The following NFIA variants were observed in gnomAD, a reference collection of about 807,000 sequenced individuals.
NFIA encodes nuclear factor I A.
A neutral mutation model predicts 62.8 loss-of-function variants in NFIA; 8 were observed. The ratio of observed to expected loss-of-function variants is 0.13; its 90% CI spans 0.07 to 0.23. The LOEUF is 0.23. Among genes scored for constraint, NFIA ranks in the 10% least tolerant of loss-of-function variants. The pLI is 1.00. For synonymous variants in NFIA, 235 were observed against 238.1 expected (o/e 0.99, Z 0.12); for missense variants, 410 against 642.1 (o/e 0.64, Z 3.91).
chr1:61,134,005 A>G (rs764767843), intron 2 of NFIA, among the ~76,000 whole-genome samples: 2 of 152,016 alleles, frequency 1.3e-5, no homozygotes, highest in Non-Finnish European at 2.9e-5. Context: ...GCATGCCTGT[A>G]ATCCCAGCTA....
intron 2 of NFIA, among the ~76,000 whole-genome samples, chr1:61,218,515 A>G (rs911293424): frequency 6.6e-6 from 1 of 152,228 alleles, no homozygotes; most frequent in Non-Finnish European, 1.5e-5. Flanking sequence ...CCACGAATTG[A>G]AAATACCGTC....
rs75606716 is a variant in NFIA, at chr1:61,335,041, C to T, written c.700+2455C>T. On this transcript the variant is annotated intron_variant, in intron 4 of 10. Coordinates refer to ENST00000403491, the MANE Select transcript of NFIA (RefSeq NM_001134673.4). ...GATTGAGTTTGCAGAGGGACCTGGA[C>T]TTGTTTCCTGTCCCTGCTTAGGGGG... Among the ~76,000 whole-genome samples, 755 of 152,316 alleles carry T rather than the reference C, an allele frequency of 5.0e-3. 3 individuals carry two copies. Among genetic ancestry groups the T allele is most frequent in the African/African-American group, 0.017 (720 of 41,578 alleles).
At chr1:61,404,505 T>C (rs925485399) in intron 8 of NFIA, among the ~76,000 whole-genome samples, 2 of 152,204 alleles carry the variant, frequency 1.3e-5, no homozygotes, top group Non-Finnish European at 2.9e-5. Flanking sequence ...CTGTCAAGTT[T>C]ATGGATATAA....
intron 6 of NFIA, among the ~76,000 whole-genome samples, chr1:61,367,736 C>T (rs1663666713): frequency 6.6e-6 from 1 of 152,158 alleles, no homozygotes; most frequent in African/African-American, 2.4e-5. Flanking sequence ...CCTAAAACAG[C>T]TCCTTGTAAT....
intron 9 of NFIA, among the ~76,000 whole-genome samples, chr1:61,422,640 C>G (rs1666678705): frequency 6.6e-6 from 1 of 151,694 alleles, no homozygotes; most frequent in Admixed American, 6.6e-5. Flanking sequence ...CCATGATAAA[C>G]AGCAGTGCTT....
chr1:61,211,940 G>A (rs1035741252), intron 2 of NFIA, among the ~76,000 whole-genome samples: 2 of 152,112 alleles, frequency 1.3e-5, no homozygotes, highest in East Asian at 1.9e-4. Flanking sequence ...CAAACCATCT[G>A]CCCGCCTGGC....
intron 2 of NFIA, among the ~76,000 whole-genome samples, chr1:61,217,903 G>C (rs1242978196): frequency 6.6e-6 from 1 of 152,178 alleles, no homozygotes; most frequent in African/African-American, 2.4e-5. Context: ...GCTCCTAAAA[G>C]GGCAGTTGTC....
intron 2 of NFIA, among the ~76,000 whole-genome samples, chr1:61,129,447 A>G (rs1262369343): frequency 9.9e-6 from 1 of 101,064 alleles, no homozygotes; most frequent in Non-Finnish European, 1.8e-5. Flanking sequence ...TACTTTCTTT[A>G]TTCTTTTTTT....
chr1:61,178,728 C>T (rs976070193), intron 2 of NFIA, among the ~76,000 whole-genome samples: 2 of 152,180 alleles, frequency 1.3e-5, no homozygotes, highest in South Asian at 2.1e-4. Flanking sequence ...CAGTGGACCC[C>T]GAAGCCAGGC....
chr1:61,228,550 G>GA (rs1435661426), intron 2 of NFIA, among the ~76,000 whole-genome samples: 1 of 152,200 alleles, frequency 6.6e-6, no homozygotes, highest in East Asian at 1.9e-4. Flanking sequence ...TGTTGGAAGA[G>GA]AAAAACTATT....
intron 2 of NFIA, among the ~76,000 whole-genome samples, chr1:61,197,935 C>G (rs890544697): frequency 2.0e-5 from 3 of 151,742 alleles, no homozygotes; most frequent in Non-Finnish European, 2.9e-5. Flanking sequence ...GAGCCAAGAT[C>G]GTGCCATTGC....
intron 3 of NFIA, among the ~76,000 whole-genome samples, chr1:61,320,248 T>C (rs892818117): frequency 6.6e-6 from 1 of 152,136 alleles, no homozygotes; most frequent in Non-Finnish European, 1.5e-5. Flanking sequence ...ACAAAGAATT[T>C]TCTGGTACTT....
intron 1 of NFIA, among the ~76,000 whole-genome samples, chr1:61,085,338 G>A (rs1646200343): frequency 6.6e-6 from 1 of 152,142 alleles, no homozygotes; most frequent in African/African-American, 2.4e-5. Context: ...AGAAATATCA[G>A]CATTCAGTGG....
At chr1:61,363,617 T>A (rs1350546166) in intron 6 of NFIA, among the ~76,000 whole-genome samples, 12 of 130,950 alleles carry the variant, frequency 9.2e-5, no homozygotes, top group Non-Finnish European at 1.4e-4. Flanking sequence ...AAAAAAAAAA[T>A]TATAATAAGA....
In NFIA at chr1:61,088,008, G is replaced by A. The variant is rs1557555323; in HGVS notation, c.28-141G>A. On this transcript the variant is annotated intron_variant, in intron 1 of 10. Coordinates refer to ENST00000403491, the MANE Select transcript of NFIA (RefSeq NM_001134673.4). This position sits in a 1 kb window ranked among gnomAD's most constrained non-coding sequence, Gnocchi z 4.5. ...CTTCCCAGACTTCCCATAGGATCCT[G>A]TGTATGATTTTGGTAACAGAATGCT... The A allele has an allele frequency of 1.3e-6, 1 of 759,108 alleles. No individual in the cohort carries two copies. The highest frequency in any genetic ancestry group is 2.1e-6 in the Non-Finnish European group (1 of 479,384). 47.0% of individuals were successfully genotyped at this position (759,108 alleles called of 1,614,324 possible).
At chr1:61,221,602 A>T (rs1378833249) in intron 2 of NFIA, among the ~76,000 whole-genome samples, 2 of 152,166 alleles carry the variant, frequency 1.3e-5, no homozygotes, top group African/African-American at 4.8e-5. Flanking sequence ...CAAAAAGTGA[A>T]GATAAATGGT....
intron 6 of NFIA, among the ~76,000 whole-genome samples, chr1:61,370,022 C>T (rs1216547830): frequency 1.3e-5 from 2 of 152,072 alleles, no homozygotes; most frequent in Non-Finnish European, 2.9e-5. Context: ...GTTAACACTC[C>T]AGAATAAGTG....
intron 2 of NFIA, among the ~76,000 whole-genome samples, chr1:61,262,763 C>T (rs1037499536): frequency 6.6e-6 from 1 of 152,142 alleles, no homozygotes; most frequent in Admixed American, 6.5e-5. Context: ...AAAGAATTGT[C>T]TCAAAGTTAC....
intron 2 of NFIA, among the ~76,000 whole-genome samples, chr1:61,148,080 C>T (rs1648135268): frequency 6.6e-6 from 1 of 152,144 alleles, no homozygotes; most frequent in South Asian, 2.1e-4. Flanking sequence ...GTTTAAGGTA[C>T]AGTGCATTGT....
Sources: allele counts gnomAD v4.1 joint callset (sites outside exome capture counted in the v4.1 genomes callset), GRCh38; gene constraint gnomAD v4.1.1; non-coding constraint Gnocchi (gnomAD v3.1); transcripts MANE v1.5; gene names NCBI Gene and HGNC (gene_info 2026-07-23, HGNC 2026-07-21).